ZFYVE9: variants seen among roughly 807,000 people sequenced by gnomAD.
ZFYVE9 encodes the protein zinc finger FYVE domain-containing protein 9.
A neutral mutation model predicts 126.7 loss-of-function variants in ZFYVE9; 43 were observed. The observed-to-expected ratio is 0.34, with a 90% CI of 0.27 to 0.44. The LOEUF (loss-of-function observed/expected upper bound fraction) is 0.44. ZFYVE9 is among the 20% of genes least tolerant of loss of function. The probability of loss-of-function intolerance (pLI) is 1.00; values close to 1 mark genes in which losing one functional copy is unlikely to be tolerated. For synonymous variants in ZFYVE9, 521 were observed against 597.4 expected (o/e 0.87, Z 1.87); for missense variants, 1,476 against 1,697.0 (o/e 0.87, Z 2.29).
intron 13 of ZFYVE9, among the ~76,000 whole-genome samples, chr1:52,323,867 C>G (rs1207857031): frequency 7.2e-6 from 1 of 138,136 alleles, no homozygotes; most frequent in Non-Finnish European, 1.5e-5. Context: ...CCCTGACTAA[C>G]GTGGTGAAAC....
At chr1:52,338,824 C>T (rs1253349540) in intron 16 of ZFYVE9, among the ~76,000 whole-genome samples, 1 of 151,986 alleles carries the variant, frequency 6.6e-6, no homozygotes, top group African/African-American at 2.4e-5. Context: ...CCAGCCTGAC[C>T]AACATGGAAA....
intron 13 of ZFYVE9, among the ~76,000 whole-genome samples, chr1:52,322,598 G>A (rs184438739): frequency 1.3e-5 from 2 of 151,656 alleles, no homozygotes; most frequent in African/African-American, 2.4e-5. Flanking sequence ...GGCTGGTCTC[G>A]AACTCCTGAC....
intron 4 of ZFYVE9, among the ~76,000 whole-genome samples, chr1:52,243,737 T>C (rs1645357529): frequency 6.6e-6 from 1 of 150,460 alleles, no homozygotes; most frequent in Admixed American, 6.6e-5. Flanking sequence ...CCAGCCAGAG[T>C]GACAGAGCTG....
chr1:52,179,377 G>A (rs919734011), intron 1 of ZFYVE9, among the ~76,000 whole-genome samples: 8 of 151,930 alleles, frequency 5.3e-5, no homozygotes, highest in African/African-American at 1.9e-4. Flanking sequence ...GCTCATGCCT[G>A]TAATTCCAGC....
chr1:52,261,660 G>A (rs1645581441), intron 4 of ZFYVE9, among the ~76,000 whole-genome samples: 1 of 152,176 alleles, frequency 6.6e-6, no homozygotes, highest in Non-Finnish European at 1.5e-5. Flanking sequence ...AGAAAGTTCA[G>A]TCTTTGTTTG....
intron 1 of ZFYVE9, among the ~76,000 whole-genome samples, chr1:52,154,547 T>C (rs1176073185): frequency 6.6e-6 from 1 of 152,200 alleles, no homozygotes; most frequent in African/African-American, 2.4e-5. Flanking sequence ...TTGGATACTT[T>C]CTGGTGGGCA....
chr1:52,175,025 G>T (rs988898226), intron 1 of ZFYVE9, among the ~76,000 whole-genome samples: 3 of 152,188 alleles, frequency 2.0e-5, no homozygotes, highest in African/African-American at 4.8e-5. Flanking sequence ...ATATTGTTAT[G>T]TGTGAATTTG....
intron 1 of ZFYVE9, among the ~76,000 whole-genome samples, chr1:52,196,811 A>G (rs1312492243): frequency 1.3e-5 from 2 of 152,206 alleles, no homozygotes; most frequent in African/African-American, 4.8e-5. Context: ...GGGAAAGAAC[A>G]TGATACTCTT....
chr1:52,283,797 G>C (rs1220931237), intron 10 of ZFYVE9, among the ~76,000 whole-genome samples: 1 of 152,080 alleles, frequency 6.6e-6, no homozygotes, highest in South Asian at 2.1e-4. Context: ...GGTTATGTGG[G>C]TGTTTGCCAA....
At chr1:52,179,346 C>T (rs1266030705) in intron 1 of ZFYVE9, among the ~76,000 whole-genome samples, 1 of 152,178 alleles carries the variant, frequency 6.6e-6, no homozygotes, top group Non-Finnish European at 1.5e-5. Flanking sequence ...TTAAAAGTCA[C>T]ATTTAAGGCC....
intron 1 of ZFYVE9, chr1:52,160,461 C>A (rs1297561384): frequency 2.4e-6 from 2 of 841,398 alleles, no homozygotes; most frequent in East Asian, 2.4e-5. Context: ...TGACCTGTTA[C>A]CAGCTGGAAT....
chr1:52,340,337 CTG>C, intron 17 of ZFYVE9, 106 bp downstream of exon 17: 1 of 791,272 alleles, frequency 1.3e-6, no homozygotes, highest in Non-Finnish European at 2.1e-6. Context: ...AAAAATATCT[CTG>C]AGAAAAATCT....
intron 10 of ZFYVE9, among the ~76,000 whole-genome samples, chr1:52,290,287 G>T (rs1481113265): frequency 6.6e-6 from 1 of 152,132 alleles, no homozygotes; most frequent in African/African-American, 2.4e-5. Flanking sequence ...GGGCAAACTT[G>T]TCCTTTCATA....
chr1:52,183,877 T>TG (rs1644738805), intron 1 of ZFYVE9, among the ~76,000 whole-genome samples: 1 of 146,198 alleles, frequency 6.8e-6, no homozygotes, highest in South Asian at 2.2e-4. Context: ...TTTTTTGAGA[T>TG]GGAGTCTCAC....
chr1:52,327,970 T>C (rs1293760667), intron 13 of ZFYVE9, among the ~76,000 whole-genome samples: 1 of 148,748 alleles, frequency 6.7e-6, no homozygotes, highest in Non-Finnish European at 1.5e-5. Flanking sequence ...CAAGACTCTG[T>C]CTCAAAAAGA....
At chr1:52,262,160 A>G (rs1332207056) in intron 4 of ZFYVE9, among the ~76,000 whole-genome samples, 1 of 152,248 alleles carries the variant, frequency 6.6e-6, no homozygotes, top group Non-Finnish European at 1.5e-5. Context: ...GCTTACTTAT[A>G]GACAGCTGTG....
chr1:52,233,208 TG>T lies in ZFYVE9; in HGVS notation c.4del (p.Glu2?). On this transcript the variant is annotated frameshift_variant and start_lost, in exon 3 of 19. Coordinates refer to ENST00000287727, the MANE Select transcript of ZFYVE9 (RefSeq NM_004799.4). LOFTEE classifies it high-confidence loss of function. ...CTCTTAAGTGGTGTTTCCTCACCGA[TG>T]GAGAATTACTTCCAAGCAGAAGCTT... [M>X]ENYFQAEAYN... 1 of 1,577,274 alleles carries T rather than the reference TG, an allele frequency of 6.3e-7. No individual in the cohort carries two copies. Among genetic ancestry groups the T allele is most frequent in the Non-Finnish European group, 8.6e-7 (1 of 1,158,892 alleles).
intron 1 of ZFYVE9, among the ~76,000 whole-genome samples, chr1:52,159,896 C>T (rs1398653510): frequency 1.3e-5 from 2 of 151,824 alleles, no homozygotes; most frequent in African/African-American, 4.8e-5. Context: ...CCCAGGTTCA[C>T]GCTGTTCTCC....
At chr1:52,219,955 T>G (rs892703921) in intron 2 of ZFYVE9, among the ~76,000 whole-genome samples, 2 of 152,050 alleles carry the variant, frequency 1.3e-5, no homozygotes, top group African/African-American at 4.8e-5. Flanking sequence ...TTTTTGTATT[T>G]TTAGTAGAGA....
Sources: allele counts gnomAD v4.1 joint callset (sites outside exome capture counted in the v4.1 genomes callset), GRCh38; gene constraint gnomAD v4.1.1; transcripts MANE v1.5; gene names NCBI Gene and HGNC (gene_info 2026-07-23, HGNC 2026-07-21).